Variants in RORA observed in about 807,000 individuals in gnomAD.
RORA encodes RAR related orphan receptor A, also known as nuclear receptor ROR-alpha.
In RORA, 7 loss-of-function variants were observed where a neutral mutation model predicts 69.5. The ratio of observed to expected loss-of-function variants is 0.10; its 90% confidence interval spans 0.06 to 0.19. The LOEUF is 0.19. Among genes scored for constraint, RORA ranks in the 10% least tolerant of loss-of-function variants. The pLI, the probability that RORA is intolerant of heterozygous loss-of-function variation, is 1.00. For missense variants in RORA, 457 were observed against 663.0 expected (o/e 0.69, Z 3.41); for synonymous variants, 261 against 240.8 (o/e 1.08, Z -0.78).
rs1047795721 is a variant in RORA, at chr15:60,826,650, G to C, written c.167-147964C>G. ...CAAAGGGACAGTTAAGTCTGAGTAT[G>C]ATTTTTTTTTTTTCCCATGGAGGAG... On this transcript the variant is annotated intron_variant, in intron 1 of 10. Transcript: ENST00000335670. Among the ~76,000 whole-genome samples, 19 of 86,942 alleles carry C rather than the reference G, an allele frequency of 2.2e-4. No homozygotes were observed. In the South Asian group the frequency reaches 9.0e-3, roughly 41 times the overall value. The allele number at this position is 86,942 out of a possible 152,430, so 57.0% of individuals were successfully genotyped here. A position where few individuals can be genotyped will look rare whatever the true frequency, so the allele number is the denominator to read the frequency against.
intron 1 of RORA, among the ~76,000 whole-genome samples, chr15:61,159,901 T>C (rs1302977463): frequency 6.6e-6 from 1 of 152,202 alleles, no homozygotes; most frequent in East Asian, 1.9e-4. Context: ...TGTGAGGATC[T>C]GAAGATGGGT....
intron 1 of RORA, among the ~76,000 whole-genome samples, chr15:60,883,158 G>A (rs60862080): frequency 0.17 from 10,341 of 61,862 alleles, 586 homozygotes; most frequent in Admixed American, 0.3. Flanking sequence ...AAAAGAAAGA[G>A]AGAGAGAGAG....
chr15:60,663,352 A>G (rs1322012008), intron 2 of RORA, among the ~76,000 whole-genome samples: 1 of 152,264 alleles, frequency 6.6e-6, no homozygotes, highest in African/African-American at 2.4e-5. Context: ...AATGTGAGAT[A>G]GACCCAACTT....
intron 1 of RORA, among the ~76,000 whole-genome samples, chr15:60,682,988 T>G (rs2070669315): frequency 6.6e-6 from 1 of 152,206 alleles, no homozygotes; most frequent in African/African-American, 2.4e-5. Flanking sequence ...CTTAGTTTTC[T>G]TATATGCAGA....
chr15:60,753,874 A>G (rs181527688), intron 1 of RORA, among the ~76,000 whole-genome samples: 17 of 152,302 alleles, frequency 1.1e-4, no homozygotes, highest in African/African-American at 3.6e-4. Context: ...ATCCACTTCT[A>G]TTATCCCGTT....
intron 1 of RORA, among the ~76,000 whole-genome samples, chr15:61,010,631 T>G (rs1394623695): frequency 2.6e-5 from 4 of 152,158 alleles, no homozygotes; most frequent in Admixed American, 1.3e-4. Flanking sequence ...ATAGAAAACA[T>G]GATTTTAATG....
At position 60,559,885 on chromosome 15, in the gene RORA, A is replaced by G. The variant is rs144178107; in HGVS notation, c.197-28034T>C. ...AAAAATATTTCAAAGCCAAATACACATAACTTTATAAATTTAGCCACTGTT... is the reference window on the plus strand; with the variant it reads ...AAAAATATTTCAAAGCCAAATACACGTAACTTTATAAATTTAGCCACTGTT... On this transcript the variant is annotated intron_variant, in intron 2 of 10. Transcript: ENST00000335670. Among the ~76,000 whole-genome samples the G allele has an allele frequency of 2.8e-3, 434 of 152,340 alleles. 16 individuals are homozygous for G. The East Asian group carries it at 0.075, about 26-fold the overall frequency.
intron 1 of RORA, among the ~76,000 whole-genome samples, chr15:60,738,236 C>G (rs899674675): frequency 6.6e-6 from 1 of 152,222 alleles, no homozygotes; most frequent in Non-Finnish European, 1.5e-5. Context: ...AAACTGTCCT[C>G]CTCTCACAGA....
At chr15:60,858,761 C>T (rs2073407005) in intron 1 of RORA, among the ~76,000 whole-genome samples, 1 of 151,084 alleles carries the variant, frequency 6.6e-6, no homozygotes, top group Non-Finnish European at 1.5e-5. Flanking sequence ...GGTCAATCCA[C>T]AAAAAATGAA....
At chr15:60,638,601 T>C (rs1442494038) in intron 2 of RORA, among the ~76,000 whole-genome samples, 2 of 152,164 alleles carry the variant, frequency 1.3e-5, no homozygotes. Flanking sequence ...AGACAGGACA[T>C]AGCTAAACCA....
chr15:61,105,088 G>C (rs907258816), intron 1 of RORA, among the ~76,000 whole-genome samples: 1 of 149,978 alleles, frequency 6.7e-6, no homozygotes, highest in Non-Finnish European at 1.5e-5. Flanking sequence ...TTTGTCAGCA[G>C]CATGAAAGTG....
chr15:60,770,732 C>T (rs2072061110), intron 1 of RORA, among the ~76,000 whole-genome samples: 1 of 152,212 alleles, frequency 6.6e-6, no homozygotes, highest in South Asian at 2.1e-4. Context: ...AAGAGATCCT[C>T]CTGCCTCAGC....
intron 2 of RORA, among the ~76,000 whole-genome samples, chr15:60,619,131 T>C (rs780845936): frequency 2.0e-5 from 3 of 152,232 alleles, no homozygotes; most frequent in Non-Finnish European, 2.9e-5. Context: ...ATTGCAATCA[T>C]GTTGGACATC....
At chr15:60,672,561 A>AGAT (rs1219689723) in intron 2 of RORA, among the ~76,000 whole-genome samples, 1 of 152,208 alleles carries the variant, frequency 6.6e-6, no homozygotes, top group Non-Finnish European at 1.5e-5. Context: ...TTGATACTGG[A>AGAT]GATAACGGTG....
At chr15:60,510,456 GT>G (rs1487510585) in intron 5 of RORA, 1 of 152,200 alleles carries the variant, frequency 6.6e-6, no homozygotes, top group African/African-American at 2.4e-5. Context: ...GAAAAGGACA[GT>G]TTTTTGTCTT....
At chr15:60,540,575 C>CG (rs1567071436) in intron 2 of RORA, among the ~76,000 whole-genome samples, 2 of 19,450 alleles carry the variant, frequency 1.0e-4, no homozygotes, top group Admixed American at 1.6e-3. Flanking sequence ...CCCCCCCCCC[C>CG]CAAAACTGTG....
intron 1 of RORA, among the ~76,000 whole-genome samples, chr15:61,046,686 T>C (rs1167295078): frequency 6.6e-6 from 1 of 152,102 alleles, no homozygotes; most frequent in Non-Finnish European, 1.5e-5. Flanking sequence ...GGGTGGAATA[T>C]TACACAGCAG....
chr15:60,722,807 T>C (rs546534887), intron 1 of RORA, among the ~76,000 whole-genome samples: 4 of 152,310 alleles, frequency 2.6e-5, no homozygotes, highest in Non-Finnish European at 5.9e-5. Context: ...CTGATGAACA[T>C]TTCTAACACA....
At chr15:60,896,732 C>CTTTT (rs66780614) in intron 1 of RORA, among the ~76,000 whole-genome samples, 241 of 117,092 alleles carry the variant, frequency 2.1e-3, no homozygotes, top group Middle Eastern at 4.2e-3. Flanking sequence ...GAGAATTTAG[C>CTTTT]TTTTTTTTTT....
Sources: gnomAD v4.1 joint callset for allele counts (sites outside exome capture counted in the v4.1 genomes callset) on GRCh38, gnomAD v4.1.1 for gene constraint, MANE v1.5 for transcripts, NCBI Gene and HGNC (gene_info 2026-07-23, HGNC 2026-07-21) for gene names.